The following SV2B variants were observed in gnomAD, a reference collection of about 807,000 sequenced individuals.
SV2B encodes synaptic vesicle glycoprotein 2B, also known as solute carrier family 22 member B2.
A neutral mutation model predicts 73.9 loss-of-function variants in SV2B; 41 were observed. The observed-to-expected ratio is 0.56, with a 90% confidence interval of 0.43 to 0.72. The LOEUF is 0.72. Ranked by LOEUF, SV2B falls within the 30% of genes least tolerant of loss-of-function variation. The probability of loss-of-function intolerance (pLI) is 0.00; values close to 1 mark genes in which losing one functional copy is unlikely to be tolerated. For synonymous variants in SV2B, 314 were observed against 314.2 expected (o/e 1.00, Z 0.01); for missense variants, 764 against 857.8 (o/e 0.89, Z 1.37).
chr15:91,191,371 G>T (rs1314144082), intron 1 of SV2B, among the ~76,000 whole-genome samples: 2 of 152,074 alleles, frequency 1.3e-5, no homozygotes, highest in Admixed American at 1.3e-4. Context: ...TACTGAGATA[G>T]TTTAGAGAGA....
At chr15:91,169,324 T>C (rs1337950729) in intron 1 of SV2B, among the ~76,000 whole-genome samples, 1 of 152,288 alleles carries the variant, frequency 6.6e-6, no homozygotes, top group South Asian at 2.1e-4. Flanking sequence ...TAGGTCTATT[T>C]CACTCTCCTG....
chr15:91,207,039 T>TA (rs1393923239), intron 1 of SV2B, among the ~76,000 whole-genome samples: 3 of 152,058 alleles, frequency 2.0e-5, no homozygotes, highest in Non-Finnish European at 4.4e-5. Context: ...CAATTTCCTT[T>TA]AAAAAAATTT....
Position 91,258,670 on chromosome 15 carries a change from T to C in SV2B, c.918+116T>C. On this transcript the variant is annotated intron_variant, in intron 5 of 12. Transcript: ENST00000394232. The surrounding 1 kb of genome is among the most constrained non-coding windows in gnomAD (Gnocchi z 4.7). ...CCTCTGCTGCTTATGTGTTGCAAAC[T>C]CTCCCCTGGTCGGCTGACCTCACTC... is the stretch of plus-strand genomic sequence containing the variant. 6.9e-7 allele frequency: 1 copy of C among 1,455,060 alleles called. No individual in the cohort carries two copies. 90.1% of individuals were successfully genotyped at this position (1,455,060 alleles called of 1,614,324 possible). A position where few individuals can be genotyped will look rare whatever the true frequency, so the allele number is the denominator to read the frequency against.
intron 1 of SV2B, among the ~76,000 whole-genome samples, chr15:91,216,850 G>A (rs1368588078): frequency 6.7e-6 from 1 of 150,036 alleles, no homozygotes; most frequent in Non-Finnish European, 1.5e-5. Context: ...TGTCTCATGG[G>A]CCATTTTCAA....
rs556323041 is a variant in SV2B at position 91,236,001 on chromosome 15, A to G, written c.451+9287A>G. On this transcript the variant is annotated intron_variant, in intron 2 of 12. Coordinates refer to ENST00000394232, the MANE Select transcript of SV2B (RefSeq NM_001323032.3). This position sits in a 1 kb window ranked among gnomAD's most constrained non-coding sequence, Gnocchi z 4.1. Reference sequence around the variant, plus strand: ...ATTACCCCTGCTAACTGCCGTAACTACTTTGCTCAGGATCTGCACACAGTA... The same window carrying G: ...ATTACCCCTGCTAACTGCCGTAACTGCTTTGCTCAGGATCTGCACACAGTA... 6.6e-6 allele frequency among the ~76,000 whole-genome samples: 1 copy of G among 152,198 alleles called. No individual in the cohort carries two copies. Among genetic ancestry groups the G allele is most frequent in the Non-Finnish European group, 1.5e-5 (1 of 68,028 alleles).
intron 1 of SV2B, among the ~76,000 whole-genome samples, chr15:91,187,666 T>G (rs894566081): frequency 1.3e-5 from 2 of 151,110 alleles, no homozygotes; most frequent in South Asian, 2.1e-4. Flanking sequence ...TTTTGTTTTT[T>G]TTTTTTAAAT....
chr15:91,195,498 A>T (rs1008367757), intron 1 of SV2B, among the ~76,000 whole-genome samples: 14 of 152,228 alleles, frequency 9.2e-5, no homozygotes, highest in Non-Finnish European at 1.2e-4. Context: ...AACTTATAAA[A>T]TGGGGAGATG....
In SV2B at chr15:91,240,434, G is replaced by A. The variant is rs551752657; in HGVS notation, c.452-11385G>A. On this transcript the variant is annotated intron_variant, in intron 2 of 12. Transcript: ENST00000394232. This position sits in a 1 kb window ranked among gnomAD's most constrained non-coding sequence, Gnocchi z 4.6. ...CACTTTATTCAGTAGCTCCTTAAAA[G>A]AGTCAACTTACTCACGGGCTTGTTT... 6.6e-6 allele frequency among the ~76,000 whole-genome samples: 1 copy of A among 152,180 alleles called. No homozygotes were observed. The highest frequency in any genetic ancestry group is 2.1e-4 in the South Asian group (1 of 4,808).
intron 1 of SV2B, among the ~76,000 whole-genome samples, chr15:91,135,121 TCCC>T (rs1325000669): frequency 6.6e-6 from 1 of 151,584 alleles, no homozygotes; most frequent in Admixed American, 6.6e-5. Flanking sequence ...CACCTCAGCC[TCCC>T]AAGTAGCTGG....
intron 2 of SV2B, among the ~76,000 whole-genome samples, chr15:91,243,754 C>G (rs11854043): frequency 1.3e-5 from 2 of 152,164 alleles, no homozygotes; most frequent in African/African-American, 4.8e-5. Context: ...GAACTTCTTC[C>G]TGATTTAAGG....
rs2042415606 is a variant in SV2B at position 91,124,251 on chromosome 15, T to C, written c.-392+23888T>C. On this transcript the variant is annotated intron_variant, in intron 1 of 12. Transcript: ENST00000394232. The surrounding 1 kb of genome is among the most constrained non-coding windows in gnomAD (Gnocchi z 4.6). ...CATGCTATTTATTCCCTCGGGGAAG[T>C]CACGAATCTGTCATTTGCGATTTTA... 6.6e-6 allele frequency among the ~76,000 whole-genome samples: 1 copy of C among 152,208 alleles called. No homozygotes were observed. Among genetic ancestry groups the C allele is most frequent in the South Asian group, 2.1e-4 (1 of 4,830 alleles).
rs934156395 is a variant in SV2B at position 91,263,563 on chromosome 15, GACACACACAGAC to G, written c.1009-3015_1009-3004del. ...ATTAAGACAGACACACAGACACAGA[GACACACACAGAC>G]ACAGACACAGACACATATTAAGGCA... On this transcript the variant is annotated intron_variant, in intron 6 of 12. Coordinates refer to ENST00000394232, the MANE Select transcript of SV2B (RefSeq NM_001323032.3). 1.2e-4 allele frequency among the ~76,000 whole-genome samples: 18 copies of G among 146,468 alleles called. No homozygotes were observed. In the East Asian group the frequency reaches 2.4e-3, roughly 20 times the overall value.
rs933560509 is a variant in SV2B at position 91,253,647 on chromosome 15, C to T, written c.784+1127C>T. 1.3e-5 allele frequency among the ~76,000 whole-genome samples: 2 copies of T among 152,222 alleles called. No homozygotes were observed. The highest frequency in any genetic ancestry group is 4.8e-5 in the African/African-American group (2 of 41,458). On this transcript the variant is annotated intron_variant, in intron 4 of 12. Transcript: ENST00000394232. The surrounding 1 kb of genome is among the most constrained non-coding windows in gnomAD (Gnocchi z 5.0). ...GTAATTCTGGAGTTTAGACTCCTTC[C>T]ATTGTGTCATTCTGTCATCTTCAAC... is the stretch of plus-strand genomic sequence containing the variant.
intron 1 of SV2B, among the ~76,000 whole-genome samples, chr15:91,170,034 A>T (rs1392116209): frequency 1.3e-5 from 2 of 152,276 alleles, no homozygotes; most frequent in South Asian, 2.1e-4. Context: ...TAGCCCAGGG[A>T]TTTTATTTTT....
At chr15:91,180,141 A>G (rs866820815) in intron 1 of SV2B, among the ~76,000 whole-genome samples, 1 of 151,812 alleles carries the variant, frequency 6.6e-6, no homozygotes, top group Non-Finnish European at 1.5e-5. Context: ...TTTGTTTCTC[A>G]TTCACTTATG....
At chr15:91,262,552 T>C (rs762484334) in intron 6 of SV2B, among the ~76,000 whole-genome samples, 56 of 152,274 alleles carry the variant, frequency 3.7e-4, no homozygotes, top group Middle Eastern at 3.4e-3. Flanking sequence ...ACAGGTATTT[T>C]GTCACCCAGG....
At chr15:91,135,123 C>T (rs1231096239) in intron 1 of SV2B, among the ~76,000 whole-genome samples, 4 of 151,984 alleles carry the variant, frequency 2.6e-5, no homozygotes, top group African/African-American at 7.3e-5. Context: ...CCTCAGCCTC[C>T]CAAGTAGCTG....
chr15:91,206,424 C>T (rs570896333), intron 1 of SV2B, among the ~76,000 whole-genome samples: 23 of 152,144 alleles, frequency 1.5e-4, no homozygotes, highest in Non-Finnish European at 3.1e-4. Flanking sequence ...CATTGTCATA[C>T]ATGGGTGATG....
chr15:91,143,873 C>T (rs1419762920), intron 1 of SV2B, among the ~76,000 whole-genome samples: 1 of 152,180 alleles, frequency 6.6e-6, no homozygotes, highest in African/African-American at 2.4e-5. Context: ...GTGAGCTGCA[C>T]TGTTTTTTTC....
Sources: allele counts gnomAD v4.1 joint callset (sites outside exome capture counted in the v4.1 genomes callset), GRCh38; gene constraint gnomAD v4.1.1; non-coding constraint Gnocchi (gnomAD v3.1); transcripts MANE v1.5; gene names NCBI Gene and HGNC (gene_info 2026-07-23, HGNC 2026-07-21).